Variants in PTPRG observed in about 807,000 individuals in gnomAD.
PTPRG encodes protein tyrosine phosphatase receptor type G, also known as receptor-type tyrosine-protein phosphatase gamma.
A neutral mutation model predicts 165.3 loss-of-function variants in PTPRG; 102 were observed. The ratio of observed to expected loss-of-function variants is 0.62; its 90% CI spans 0.53 to 0.73. The LOEUF (loss-of-function observed/expected upper bound fraction) is 0.73, where lower values mean the gene tolerates loss of function less well. PTPRG is among the 30% of genes least tolerant of loss of function. The pLI is 0.00. For missense variants in PTPRG, 1,866 were observed against 1,861.4 expected (o/e 1.00, Z -0.05); for synonymous variants, 675 against 669.5 (o/e 1.01, Z -0.13).
At chr3:62,051,575 C>A (rs77366697) in intron 4 of PTPRG, among the ~76,000 whole-genome samples, 2 of 152,104 alleles carry the variant, frequency 1.3e-5, no homozygotes, top group African/African-American at 4.8e-5. Context: ...CCCCTTGAGA[C>A]CTATTCAAAT....
chr3:62,176,961 C>T (rs1705449365), intron 8 of PTPRG, among the ~76,000 whole-genome samples: 1 of 152,104 alleles, frequency 6.6e-6, no homozygotes, highest in African/African-American at 2.4e-5. Context: ...TATTTCCTTG[C>T]CTCTAAAATA....
intron 4 of PTPRG, among the ~76,000 whole-genome samples, chr3:62,047,996 G>A (rs1338430129): frequency 6.6e-6 from 1 of 151,980 alleles, no homozygotes; most frequent in Non-Finnish European, 1.5e-5. Flanking sequence ...GTAACCTGGC[G>A]CTCCATTAAT....
At chr3:62,163,238 A>G (rs534366893) in intron 7 of PTPRG, among the ~76,000 whole-genome samples, 3 of 151,836 alleles carry the variant, frequency 2.0e-5, no homozygotes, top group Non-Finnish European at 2.9e-5. Context: ...GATCCAAACT[A>G]TATCAGTGAC....
intron 3 of PTPRG, among the ~76,000 whole-genome samples, chr3:61,992,211 G>C (rs1360968202): frequency 6.6e-6 from 1 of 151,448 alleles, no homozygotes; most frequent in African/African-American, 2.4e-5. Flanking sequence ...GTGACAACCA[G>C]TTATATGCAA....
chr3:61,943,097 A>T (rs778544017), intron 2 of PTPRG, among the ~76,000 whole-genome samples: 21 of 152,186 alleles, frequency 1.4e-4, no homozygotes, highest in Admixed American at 5.2e-4. Context: ...TTGTGTTTTC[A>T]TGACAACTTT....
In PTPRG at chr3:61,598,974, C is replaced by T. The variant is rs541081684; in HGVS notation, c.85+36602C>T. 9.9e-5 allele frequency among the ~76,000 whole-genome samples: 15 copies of T among 152,228 alleles called. 1 individual carries two copies. The East Asian group carries it at 1.2e-3, about 12-fold the overall frequency. On this transcript the variant is annotated intron_variant, in intron 1 of 29. Coordinates refer to ENST00000474889, the MANE Select transcript of PTPRG (RefSeq NM_002841.4). ...GGAATAAGGCCCACCCTAATGACTT[C>T]ATCTTAATTAATGATATCTGCAGTG... is the stretch of plus-strand genomic sequence containing the variant.
chr3:62,006,628 T>C (rs188308257), intron 4 of PTPRG, among the ~76,000 whole-genome samples: 9 of 152,330 alleles, frequency 5.9e-5, no homozygotes, highest in Admixed American at 1.3e-4. Flanking sequence ...AGAATCATTG[T>C]TGAAGATTGT....
intron 1 of PTPRG, among the ~76,000 whole-genome samples, chr3:61,625,252 C>T (rs1701575430): frequency 6.6e-6 from 1 of 151,336 alleles, no homozygotes; most frequent in Non-Finnish European, 1.5e-5. Context: ...CGACCCATCA[C>T]AGTACATACG....
intron 4 of PTPRG, among the ~76,000 whole-genome samples, chr3:62,037,248 T>G (rs1158764506): frequency 6.6e-6 from 1 of 152,186 alleles, no homozygotes; most frequent in Non-Finnish European, 1.5e-5. Context: ...TTTGCTCATA[T>G]GGAAACAAGT....
At chr3:61,703,055 C>G (rs2031058531) in intron 1 of PTPRG, among the ~76,000 whole-genome samples, 2 of 152,022 alleles carry the variant, frequency 1.3e-5, no homozygotes, top group Non-Finnish European at 2.9e-5. Context: ...AACCTTGATT[C>G]TCTATAGGCA....
At chr3:62,015,019 G>A (rs1037757139) in intron 4 of PTPRG, among the ~76,000 whole-genome samples, 1 of 152,220 alleles carries the variant, frequency 6.6e-6, no homozygotes, top group African/African-American at 2.4e-5. Context: ...ATAGTTCTGT[G>A]ACATATGCCA....
intron 2 of PTPRG, among the ~76,000 whole-genome samples, chr3:61,894,350 TATCTG>T (rs1242800249): frequency 1.4e-5 from 2 of 146,788 alleles, no homozygotes; most frequent in Non-Finnish European, 3.0e-5. Context: ...GCTTTTATCT[TATCTG>T]GTGCTGGAGG....
intron 1 of PTPRG, among the ~76,000 whole-genome samples, chr3:61,731,288 G>T (rs1453802715): frequency 6.6e-6 from 1 of 152,032 alleles, no homozygotes; most frequent in Non-Finnish European, 1.5e-5. Flanking sequence ...TGTTCTTGGG[G>T]ACAGGAACAT....
chr3:62,080,872 A>G (rs1701547006), intron 5 of PTPRG, among the ~76,000 whole-genome samples: 1 of 152,182 alleles, frequency 6.6e-6, no homozygotes, highest in Admixed American at 6.5e-5. Context: ...GCATATAAAG[A>G]TATTTAATGT....
At chr3:62,284,890 A>G (rs1016428563) in intron 28 of PTPRG, among the ~76,000 whole-genome samples, 1 of 152,128 alleles carries the variant, frequency 6.6e-6, no homozygotes, top group East Asian at 1.9e-4. Context: ...TGTCATCCCA[A>G]TCTGCCACTG....
chr3:62,191,563 AC>A lies in PTPRG; in HGVS notation c.1131del (p.Ile378SerfsTer2). The part of the protein sequence containing the change: ...WSQPETIYHP[P>X]IMNYMISYSW... ...GCCAGCCGGAGACTATCTACCACCC[AC>A]CCATCATGAACTACATGATCTCCTA... On this transcript the variant is annotated frameshift_variant, in exon 9 of 30. Transcript: ENST00000474889. LOFTEE classifies it high-confidence loss of function. 2 of 1,613,984 alleles carry A rather than the reference AC, an allele frequency of 1.2e-6. No homozygotes were observed. The highest frequency in any genetic ancestry group is 1.7e-6 in the Non-Finnish European group (2 of 1,179,978).
intron 1 of PTPRG, among the ~76,000 whole-genome samples, chr3:61,596,527 A>C (rs577014223): frequency 1.3e-5 from 2 of 152,272 alleles, no homozygotes; most frequent in South Asian, 4.1e-4. Context: ...GTAGGGCAAG[A>C]CACTTGCTAT....
At chr3:61,703,997 G>A (rs2031116978) in intron 1 of PTPRG, among the ~76,000 whole-genome samples, 1 of 152,198 alleles carries the variant, frequency 6.6e-6, no homozygotes, top group Admixed American at 6.5e-5. Flanking sequence ...ACTCTGGGCA[G>A]CCTTGTGCTG....
chr3:61,615,506 T>G lies in PTPRG; in HGVS notation c.85+53134T>G, dbSNP rs544782410. ...TTGATTTGTCCCATTGCTGGTGGTG[T>G]TAACTTTGATCACTTGATAAGGCAG... On this transcript the variant is annotated intron_variant, in intron 1 of 29. Transcript: ENST00000474889. 1.8e-4 allele frequency among the ~76,000 whole-genome samples: 28 copies of G among 152,326 alleles called. No individual in the cohort carries two copies. The East Asian group carries it at 2.3e-3, about 13-fold the overall frequency.
Sources: gnomAD v4.1 joint callset for allele counts (sites outside exome capture counted in the v4.1 genomes callset) on GRCh38, gnomAD v4.1.1 for gene constraint, MANE v1.5 for transcripts, NCBI Gene and HGNC (gene_info 2026-07-23, HGNC 2026-07-21) for gene names.